Variants in HDGFL2 observed in about 807,000 individuals in gnomAD.
HDGFL2 encodes the protein hepatoma-derived growth factor-related protein 2.
In HDGFL2, 36 loss-of-function variants were observed where a neutral mutation model predicts 77.1. The ratio of observed to expected loss-of-function variants is 0.47; its 90% confidence interval spans 0.36 to 0.62. The LOEUF is 0.62. HDGFL2 is among the 20% of genes least tolerant of loss of function. The pLI is 0.00. For synonymous variants in HDGFL2, 463 were observed against 413.1 expected (o/e 1.12, Z -1.46); for missense variants, 976 against 973.4 (o/e 1.00, Z -0.04).
intron 3 of HDGFL2, among the ~76,000 whole-genome samples, chr19:4,484,158 A>C (rs1330721773): frequency 5.7e-5 from 8 of 139,744 alleles, no homozygotes; most frequent in African/African-American, 1.9e-4. Flanking sequence ...ATTTCAGCTC[A>C]CTGCAATCTC....
At chr19:4,487,718 C>T (rs901138090) in intron 3 of HDGFL2, among the ~76,000 whole-genome samples, 2 of 152,204 alleles carry the variant, frequency 1.3e-5, no homozygotes, top group Middle Eastern at 3.2e-3. Context: ...CTTGATGCCC[C>T]CGGCCCAGTG....
chr19:4,493,254 C>G (rs1393762737), intron 6 of HDGFL2, among the ~76,000 whole-genome samples: 8 of 89,388 alleles, frequency 8.9e-5, no homozygotes, highest in African/African-American at 2.9e-4. Flanking sequence ...TGTGTGTTGT[C>G]TGTGTGTGTG....
At chr19:4,473,051 C>T (rs1328513896) in intron 1 of HDGFL2, among the ~76,000 whole-genome samples, 2 of 147,204 alleles carry the variant, frequency 1.4e-5, no homozygotes, top group East Asian at 2.0e-4. Flanking sequence ...GGAGTCGCAC[C>T]TTGGGGGTTT....
chr19:4,481,548 G>A (rs1456301582), intron 3 of HDGFL2, among the ~76,000 whole-genome samples: 1 of 150,620 alleles, frequency 6.6e-6, no homozygotes, highest in Non-Finnish European at 1.5e-5. Flanking sequence ...GGATGGTCTC[G>A]ATCTCCTGAC....
chr19:4,483,442 C>A (rs766706538), intron 3 of HDGFL2, among the ~76,000 whole-genome samples: 17 of 152,220 alleles, frequency 1.1e-4, no homozygotes, highest in South Asian at 2.1e-4. Flanking sequence ...TCCTGGCCCC[C>A]CCTCTTGACC....
intron 3 of HDGFL2, among the ~76,000 whole-genome samples, chr19:4,484,981 A>AT (rs1405801053): frequency 2.7e-5 from 4 of 147,756 alleles, no homozygotes; most frequent in African/African-American, 1.0e-4. Context: ...AATTTTTTGT[A>AT]TTTTTTAGTA....
intron 13 of HDGFL2, 38 bp from the exon 14 acceptor site, chr19:4,499,453 G>C: frequency 6.3e-7 from 1 of 1,594,002 alleles, no homozygotes; most frequent in Non-Finnish European, 8.6e-7. Context: ...TAGGGCCGCT[G>C]CACTTGGGTG....
intron 4 of HDGFL2, among the ~76,000 whole-genome samples, chr19:4,490,960 C>A (rs150431935): frequency 6.6e-6 from 1 of 152,024 alleles, no homozygotes; most frequent in East Asian, 1.9e-4. Context: ...TACAGGCATA[C>A]GCCACCACAC....
rs1367029465 is a variant in HDGFL2 at position 4,498,927 on chromosome 19, G to GA, written c.1575+14dup. On this transcript the variant is annotated intron_variant, in intron 13 of 15. Coordinates refer to ENST00000616600, the MANE Select transcript of HDGFL2 (RefSeq NM_001001520.3). ...CCACCTTGAAGAAGGTATGGCGGGG[G>GA]AATCAGAGGCGCAGGGTGCAGTCGG... 6.3e-7 allele frequency: 1 copy of GA among 1,575,040 alleles called. No homozygotes were observed. The highest frequency in any genetic ancestry group is 2.3e-5 in the East Asian group (1 of 43,924).
Position 4,493,816 on chromosome 19 carries a change from C to G in HDGFL2, c.792C>G (p.Ser264=). 3 of 1,536,256 alleles carry G rather than the reference C, an allele frequency of 2.0e-6. No homozygotes were observed. The highest frequency in any genetic ancestry group is 2.6e-6 in the Non-Finnish European group (3 of 1,137,882). The change falls in exon 7 of 16, where the codon TCC becomes TCG. Residue 264 remains serine (S), a synonymous_variant. Transcript: ENST00000616600. ...CCTCCTCCTCTTCCTCCTCCTCCTC[C>G]GACTCCGATGTGTCTGTGAAGAAGC... ...ASSSSSSSSS[S]DSDVSVKKPP... is the part of the protein sequence containing the mutation.
chr19:4,481,411 C>T (rs1188792755), intron 3 of HDGFL2, among the ~76,000 whole-genome samples: 8 of 152,070 alleles, frequency 5.3e-5, no homozygotes, highest in Admixed American at 3.3e-4. Context: ...AGGATGGTCT[C>T]GATCTCCCGA....
At chr19:4,498,243 C>T in intron 11 of HDGFL2, 63 bp from the exon 12 acceptor site, 4 of 1,459,878 alleles carry the variant, frequency 2.7e-6, no homozygotes, top group Non-Finnish European at 3.8e-6. Flanking sequence ...GGCTCCTGCC[C>T]TTGAACAGCT....
rs1975771353 is a variant in HDGFL2 at position 4,498,596 on chromosome 19, T to C, written c.1474-218T>C. Among the ~76,000 whole-genome samples, 3 of 151,958 alleles carry C rather than the reference T, an allele frequency of 2.0e-5. No homozygotes were observed. In the South Asian group the frequency reaches 6.2e-4, roughly 32 times the overall value. On this transcript the variant is annotated intron_variant, in intron 12 of 15. Transcript: ENST00000616600. ...CCCAGCTTTCCCGGCAGGTGGTGTGTGGAGGCCCCCAGGACCAACCCCCAC... is the reference window on the plus strand; with the variant it reads ...CCCAGCTTTCCCGGCAGGTGGTGTGCGGAGGCCCCCAGGACCAACCCCCAC...
rs568690000 is a variant in HDGFL2 at position 4,501,730 on chromosome 19, G to C, written c.1917-181G>C. The C allele has an allele frequency of 5.6e-6, 3 of 537,344 alleles. No homozygotes were observed. The African/African-American group carries it at 5.9e-5, about 11-fold the overall frequency. 33.3% of individuals were successfully genotyped at this position (537,344 alleles called of 1,614,324 possible). The stretch of plus-strand genomic sequence containing the variant: ...TGTGCTATGCCTGGCTGGCGCCAGC[G>C]TGGGGACCCTGGAGATGGTTGTGGT... On this transcript the variant is annotated intron_variant, in intron 15 of 15. Coordinates refer to ENST00000616600, the MANE Select transcript of HDGFL2 (RefSeq NM_001001520.3).
At chr19:4,477,619 T>C (rs1314546646) in intron 3 of HDGFL2, among the ~76,000 whole-genome samples, 2 of 152,180 alleles carry the variant, frequency 1.3e-5, no homozygotes, top group Admixed American at 6.6e-5. Context: ...TTAATATTTA[T>C]TGGACACCTA....
At position 4,496,537 on chromosome 19, in the gene HDGFL2, C is replaced by T. The variant is rs1248334037; in HGVS notation, c.1328+132C>T. 6 of 714,956 alleles carry T rather than the reference C, an allele frequency of 8.4e-6. No individual in the cohort carries two copies. In the East Asian group the frequency reaches 1.1e-4, roughly 13 times the overall value. The allele number at this position is 714,956 out of a possible 1,614,324, so 44.3% of individuals were successfully genotyped here. A position where few individuals can be genotyped will look rare whatever the true frequency, so the allele number is the denominator to read the frequency against. Reference sequence around the variant, plus strand: ...GCCGGACCCGGTTGAAGTTCCTGGTCCTTGGGTTGTGTGGGCTGCGTAGGA... The same window carrying T: ...GCCGGACCCGGTTGAAGTTCCTGGTTCTTGGGTTGTGTGGGCTGCGTAGGA... On this transcript the variant is annotated intron_variant, in intron 10 of 15. Transcript: ENST00000616600.
intron 6 of HDGFL2, 39 bp downstream of exon 6, chr19:4,491,874 G>T: frequency 6.4e-7 from 1 of 1,567,762 alleles, no homozygotes; most frequent in Non-Finnish European, 8.8e-7. Context: ...GCCCACTCGT[G>T]GGGCACCTCT....
Position 4,498,332 on chromosome 19 carries a change from A to G in HDGFL2, c.1429A>G (p.Lys477Glu). The G allele has an allele frequency of 6.2e-7, 1 of 1,613,732 alleles. No homozygotes were observed. Among genetic ancestry groups the G allele is most frequent in the Non-Finnish European group, 8.5e-7 (1 of 1,179,954 alleles). ...KEPSVEEKLQ[K>E]LHSEIKFALK... ...GCCCTCCGTGGAGGAGAAGCTGCAG[A>G]AGCTGCACAGTGAGATCAAGTTTGC... Residue 477 changes from lysine (K) to glutamate (E), a missense_variant, in exon 12 of 16, where the codon AAG becomes GAG. This residue lies in a region of HDGFL2 where 567 missense variants were observed against 534.7 expected (regional missense o/e 1.06). Transcript: ENST00000616600.
intron 3 of HDGFL2, among the ~76,000 whole-genome samples, chr19:4,484,768 T>C (rs1422234585): frequency 3.5e-5 from 5 of 141,266 alleles, no homozygotes; most frequent in Non-Finnish European, 7.5e-5. Context: ...GCCTCCTGGG[T>C]TCACGCCATT....
Sources: allele counts gnomAD v4.1 joint callset (sites outside exome capture counted in the v4.1 genomes callset), GRCh38; gene constraint gnomAD v4.1.1; regional missense constraint gnomAD v4.1.1; transcripts MANE v1.5; gene names NCBI Gene and HGNC (gene_info 2026-07-23, HGNC 2026-07-21).